The following BCR variants were observed in gnomAD, a reference collection of about 807,000 sequenced individuals.
BCR encodes the protein BCR activator of RhoGEF and GTPase, also known as breakpoint cluster region protein.
Under a neutral mutation model 138.6 loss-of-function variants are expected in BCR, and 58 were observed. That is an observed-to-expected ratio of 0.42 (90% confidence interval 0.34 to 0.52). The LOEUF (loss-of-function observed/expected upper bound fraction) is 0.52, where lower values mean the gene tolerates loss of function less well. Among genes scored for constraint, BCR ranks in the 20% least tolerant of loss-of-function variants. The pLI is 0.06. For missense variants in BCR, 1,599 were observed against 1,727.2 expected (o/e 0.93, Z 1.32); for synonymous variants, 786 against 730.1 (o/e 1.08, Z -1.23).
intron 13 of BCR, chr22:23,289,883 G>T (rs1282638088): frequency 3.6e-6 from 2 of 548,032 alleles, no homozygotes; most frequent in Non-Finnish European, 6.6e-6. Flanking sequence ...TGCAGCAGAC[G>T]CTCCTCAGAT....
At chr22:23,251,444 C>T (rs1375938680) in intron 1 of BCR, among the ~76,000 whole-genome samples, 1 of 152,208 alleles carries the variant, frequency 6.6e-6, no homozygotes. Flanking sequence ...GTGCTGAGTC[C>T]TGTGGGACGA....
intron 1 of BCR, among the ~76,000 whole-genome samples, chr22:23,238,871 G>C (rs914399464): frequency 2.0e-5 from 3 of 150,692 alleles, no homozygotes; most frequent in East Asian, 2.0e-4. Flanking sequence ...AGCTTGCAAG[G>C]GGGGTGGGGG....
chr22:23,187,278 C>CTT (rs3055923), intron 1 of BCR, among the ~76,000 whole-genome samples: 71 of 114,506 alleles, frequency 6.2e-4, no homozygotes, highest in Middle Eastern at 4.5e-3. Context: ...GCTTAAAATA[C>CTT]TTTTTTTTTT....
chr22:23,312,897 C>T lies in BCR; in HGVS notation c.3333C>T (p.Asp1111=), dbSNP rs11558697. Residue 1111 remains aspartate, a synonymous_variant, in exon 20 of 23, where the codon GAC becomes GAT. Transcript: ENST00000305877. ...LKAAFDVNNK[D]VSVMMSEMDV... is the part of the protein sequence containing the mutation. The stretch of plus-strand genomic sequence containing the variant: ...CCGTGCTCTTTCCAGATAACAAGGA[C>T]GTGTCGGTGATGATGAGCGAGATGG... 341,705 of 1,592,924 alleles carry T rather than the reference C, an allele frequency of 0.21. 39,236 individuals are homozygous for T. The highest frequency in any genetic ancestry group is 0.24 in the Non-Finnish European group (282,387 of 1,176,212).
Position 23,314,582 on chromosome 22 carries a change from GTC to G in BCR, c.3595_3596del (p.Ser1199ProfsTer34). On this transcript the variant is annotated frameshift_variant, in exon 22 of 23. Transcript: ENST00000305877. LOFTEE classifies it high-confidence loss of function. ...CAGAGAAGGAGGCAGTCAATAAGAT[GTC>G]CCTGCACAACCTCGCCACGGTCTTT... ...VAEKEAVNKM[S>X]LHNLATVFGP... is the part of the protein sequence containing the mutation. 6.2e-7 allele frequency: 1 copy of G among 1,611,968 alleles called. No individual in the cohort carries two copies. Among genetic ancestry groups the G allele is most frequent in the Non-Finnish European group, 8.5e-7 (1 of 1,179,844 alleles).
intron 8 of BCR, among the ~76,000 whole-genome samples, chr22:23,282,437 C>A (rs1222255967): frequency 6.6e-6 from 1 of 152,222 alleles, no homozygotes; most frequent in African/African-American, 2.4e-5. Flanking sequence ...GGTTCCCCTT[C>A]GCAAGAGCCG....
rs115971489 is a variant in BCR, at chr22:23,199,599, C to G, written c.1279+17360C>G. ...TACCATGGGTGGAAACTATTGCAGTCAGCTGTTGGGATGCAGGGGAAGGTA... is the reference window on the plus strand; with the variant it reads ...TACCATGGGTGGAAACTATTGCAGTGAGCTGTTGGGATGCAGGGGAAGGTA... On this transcript the variant is annotated intron_variant, in intron 1 of 22. Transcript: ENST00000305877. Among the ~76,000 whole-genome samples, 318 of 152,314 alleles carry G rather than the reference C, an allele frequency of 2.1e-3. 2 individuals are homozygous for G. The highest frequency in any genetic ancestry group is 7.3e-3 in the African/African-American group (302 of 41,568).
intron 1 of BCR, among the ~76,000 whole-genome samples, chr22:23,188,965 C>G (rs1219406341): frequency 6.6e-6 from 1 of 152,088 alleles, no homozygotes; most frequent in Non-Finnish European, 1.5e-5. Flanking sequence ...CACCCAGGTT[C>G]AAGCGATTCT....
chr22:23,184,243 A>C (rs1443627062), intron 1 of BCR, among the ~76,000 whole-genome samples: 2 of 151,706 alleles, frequency 1.3e-5, no homozygotes, highest in African/African-American at 4.8e-5. Flanking sequence ...AAACCACTAT[A>C]CTGGGCTAAT....
chr22:23,201,250 G>A (rs1259672385), intron 1 of BCR, among the ~76,000 whole-genome samples: 1 of 152,214 alleles, frequency 6.6e-6, no homozygotes, highest in Non-Finnish European at 1.5e-5. Flanking sequence ...TGCAGTTGAG[G>A]TGTTGGCCGG....
At chr22:23,303,129 CTA>C (rs534056515) in intron 16 of BCR, among the ~76,000 whole-genome samples, 1 of 151,700 alleles carries the variant, frequency 6.6e-6, no homozygotes, top group Non-Finnish European at 1.5e-5. Context: ...ATGTATTTTA[CTA>C]TATATATATA....
chr22:23,241,185 A>T (rs1032060923), intron 1 of BCR, among the ~76,000 whole-genome samples: 5 of 152,206 alleles, frequency 3.3e-5, no homozygotes, highest in African/African-American at 1.2e-4. Context: ...GGCATCCTTC[A>T]GAAGCGGGGC....
At chr22:23,200,207 C>G (rs116080165) in intron 1 of BCR, among the ~76,000 whole-genome samples, 3 of 152,148 alleles carry the variant, frequency 2.0e-5, no homozygotes, top group African/African-American at 7.2e-5. Context: ...TAGATGTCAC[C>G]GTGTGGGCTC....
At chr22:23,245,745 C>T (rs1013311982) in intron 1 of BCR, among the ~76,000 whole-genome samples, 9 of 151,184 alleles carry the variant, frequency 6.0e-5, no homozygotes, top group Non-Finnish European at 1.3e-4. Context: ...TCTCAGCCCT[C>T]GGGAAACAGT....
intron 1 of BCR, among the ~76,000 whole-genome samples, chr22:23,245,820 A>T (rs971719808): frequency 6.6e-6 from 1 of 151,982 alleles, no homozygotes; most frequent in African/African-American, 2.4e-5. Context: ...AAAAAAAAAA[A>T]TTGAGGTAAA....
chr22:23,234,392 G>A (rs2072999163), intron 1 of BCR, among the ~76,000 whole-genome samples: 1 of 152,214 alleles, frequency 6.6e-6, no homozygotes, highest in Non-Finnish European at 1.5e-5. Flanking sequence ...CATGGTCCCT[G>A]GGTTCTGGGT....
At chr22:23,186,932 C>T (rs907872350) in intron 1 of BCR, among the ~76,000 whole-genome samples, 3 of 152,186 alleles carry the variant, frequency 2.0e-5, no homozygotes, top group Non-Finnish European at 4.4e-5. Flanking sequence ...GACGGGGTTT[C>T]GCCATGTTGG....
At chr22:23,223,910 G>A (rs2072859155) in intron 1 of BCR, among the ~76,000 whole-genome samples, 2 of 152,168 alleles carry the variant, frequency 1.3e-5, no homozygotes, top group African/African-American at 2.4e-5. Context: ...GCCTCCCCAT[G>A]GGGAGCCGCC....
chr22:23,200,628 G>T (rs1014120433), intron 1 of BCR, among the ~76,000 whole-genome samples: 6 of 152,102 alleles, frequency 3.9e-5, no homozygotes, highest in Admixed American at 3.9e-4. Context: ...TGCGATCATG[G>T]CTCACCGCAG....
Sources: gnomAD v4.1 joint callset for allele counts (sites outside exome capture counted in the v4.1 genomes callset) on GRCh38, gnomAD v4.1.1 for gene constraint, MANE v1.5 for transcripts, NCBI Gene and HGNC (gene_info 2026-07-23, HGNC 2026-07-21) for gene names.